Variants in ZNF805 observed in about 807,000 individuals in gnomAD.
ZNF805 encodes CTC-444N24.8.
Under a neutral mutation model 13.6 loss-of-function variants are expected in ZNF805, and 7 were observed. The ratio of observed to expected loss-of-function variants is 0.51; its 90% confidence interval spans 0.29 to 0.97. The LOEUF (loss-of-function observed/expected upper bound fraction) is 0.97. ZNF805 is among the 50% of genes least tolerant of loss of function. The pLI is 0.08. For missense variants in ZNF805, 604 were observed against 771.0 expected, an observed-to-expected ratio of 0.78 and a Z score of 2.57; for synonymous variants, 293 against 279.8, an observed-to-expected ratio of 1.05 and a Z score of -0.47.
At position 57,245,587 on chromosome 19, in the gene ZNF805, G is replaced by A. The variant is rs528390288; in HGVS notation, c.157+1538G>A. On this transcript the variant is annotated intron_variant, in intron 2 of 3. Transcript: ENST00000414468. ...AAGGTCAGGAGATAGAGACCATCCTGGCTAACACGGTGCAACCCTGTCTCT... is the reference window on the plus strand; with the variant it reads ...AAGGTCAGGAGATAGAGACCATCCTAGCTAACACGGTGCAACCCTGTCTCT... Among the ~76,000 whole-genome samples the A allele has an allele frequency of 2.7e-4, 40 of 149,136 alleles. No individual in the cohort carries two copies. The East Asian group carries it at 3.0e-3, about 11-fold the overall frequency.
Position 57,248,676 on chromosome 19 carries a change from G to C in ZNF805, c.229G>C (p.Asp77His). 6.3e-7 allele frequency: 1 copy of C among 1,598,500 alleles called. No individual in the cohort carries two copies. The highest frequency in any genetic ancestry group is 2.2e-5 in the East Asian group (1 of 44,552). The part of the protein sequence containing the change: ...HGQEPWTRKE[D>H]LSQGTCPGDK... ...GCAGGAGCCATGGACCAGGAAGGAAGACCTCTCCCAAGGCACCTGTCCAGG... is the reference window on the plus strand; with the variant it reads ...GCAGGAGCCATGGACCAGGAAGGAACACCTCTCCCAAGGCACCTGTCCAGG... Residue 77 changes from aspartate to histidine, a missense_variant, in exon 3 of 4, where the codon GAC becomes CAC. By Grantham distance (81) the Asp-to-His change is moderately conservative. Coordinates refer to ENST00000414468, the MANE Select transcript of ZNF805 (RefSeq NM_001023563.4).
In ZNF805 at chr19:57,254,698, C is replaced by A; in HGVS notation, c.1879C>A (p.Leu627Met). Residue 627 changes from leucine (L) to methionine (M), a missense_variant, in exon 4 of 4, where the codon CTG becomes ATG. By Grantham distance (15) the Leu-to-Met change is conservative. Coordinates refer to ENST00000414468, the MANE Select transcript of ZNF805 (RefSeq NM_001023563.4). ...AAGAGAAACCCCACAAGTGTCTTCA[C>A]TGTGAGAAAACCTTCTGTTGCCAAA... ...YQRETPQVSS[L>M] The A allele has an allele frequency of 1.2e-6, 2 of 1,604,276 alleles. No individual in the cohort carries two copies. Among genetic ancestry groups the A allele is most frequent in the Non-Finnish European group, 8.5e-7 (1 of 1,175,358 alleles).
At chr19:57,248,815 G>A in intron 3 of ZNF805, 115 bp downstream of exon 3, 2 of 949,138 alleles carry the variant, frequency 2.1e-6, no homozygotes, top group South Asian at 1.4e-5. Context: ...AAGGGTTTGG[G>A]AGCCTTGGAG....
Position 57,254,517 on chromosome 19 carries a change from T to C in ZNF805, c.1698T>C (p.Pro566=). 2.5e-6 allele frequency: 4 copies of C among 1,614,242 alleles called. No individual in the cohort carries two copies. Among genetic ancestry groups the C allele is most frequent in the Non-Finnish European group, 3.4e-6 (4 of 1,180,030 alleles). ...QHQRMHTGRN[P]ISVTDVGRPF... is the part of the protein sequence containing the mutation. ...AAAGGATGCATACTGGGAGAAATCC[T>C]ATCAGTGTAACAGATGTGGGAAGAC... The change falls in exon 4 of 4, where the codon CCT becomes CCC. Residue 566 remains proline, a synonymous_variant. Coordinates refer to ENST00000414468, the MANE Select transcript of ZNF805 (RefSeq NM_001023563.4).
intron 2 of ZNF805, 123 bp downstream of exon 2, chr19:57,244,172 GTCATTTTCTACAACAC>G (rs2087596865): frequency 2.2e-6 from 2 of 893,152 alleles, no homozygotes; most frequent in Non-Finnish European, 3.2e-6. Context: ...CACAAATTCA[GTCATTTTCTACAACAC>G]TCACCTCTTC....
intron 3 of ZNF805, among the ~76,000 whole-genome samples, chr19:57,250,511 C>T (rs1005414170): frequency 6.6e-6 from 1 of 152,122 alleles, no homozygotes; most frequent in Non-Finnish European, 1.5e-5. Context: ...GGATTACAGG[C>T]GTGAGACACC....
chr19:57,259,559 T>C lies in ZNF805; in HGVS notation c.*4856T>C, dbSNP rs375095949. ...CTTTGCTCTGTTGCCCAGGCTGGAG[T>C]GCAGTGGCGCGATCTCTGCTCACTG... is the stretch of plus-strand genomic sequence containing the variant. On this transcript the variant is annotated 3_prime_UTR_variant, in exon 4 of 4. Transcript: ENST00000414468. Among the ~76,000 whole-genome samples, 2 of 152,206 alleles carry C rather than the reference T, an allele frequency of 1.3e-5. No individual in the cohort carries two copies. Among genetic ancestry groups the C allele is most frequent in the African/African-American group, 4.8e-5 (2 of 41,454 alleles).
At chr19:57,243,366 G>T (rs2087591327) in intron 1 of ZNF805, among the ~76,000 whole-genome samples, 1 of 152,196 alleles carries the variant, frequency 6.6e-6, no homozygotes, top group South Asian at 2.1e-4. Flanking sequence ...CCAAAGTCCA[G>T]TAAGCTCTGA....
chr19:57,254,341 GAGA>G lies in ZNF805; in HGVS notation c.1525_1527del (p.Lys509del). The G allele has an allele frequency of 6.2e-7, 1 of 1,614,182 alleles. No homozygotes were observed. The highest frequency in any genetic ancestry group is 8.5e-7 in the Non-Finnish European group (1 of 1,180,046). Reference sequence around the variant, plus strand: ...AAGGCACCAGCGGATTCATAGTGGAGAGAAGCCCTATGAATGCATCGAGTGTGG... The same window carrying G: ...AAGGCACCAGCGGATTCATAGTGGAGAGCCCTATGAATGCATCGAGTGTGG... On this transcript the variant is annotated inframe_deletion, in exon 4 of 4. Coordinates refer to ENST00000414468, the MANE Select transcript of ZNF805 (RefSeq NM_001023563.4).
In ZNF805 at chr19:57,247,793, A is replaced by G. The variant is rs547250093; in HGVS notation, c.158-812A>G. Among the ~76,000 whole-genome samples the G allele has an allele frequency of 2.6e-5, 4 of 152,322 alleles. No homozygotes were observed. In the East Asian group the frequency reaches 7.7e-4, roughly 29 times the overall value. ...TTCCTTATTGACTCAGCCATTCTCC[A>G]GTTCTGTGCTCTTCAGCAAATCACT... On this transcript the variant is annotated intron_variant, in intron 2 of 3. Coordinates refer to ENST00000414468, the MANE Select transcript of ZNF805 (RefSeq NM_001023563.4).
At chr19:57,248,576 A>C (rs2087632898) in intron 2 of ZNF805, 29 bp from the exon 3 acceptor site, 1 of 1,529,454 alleles carries the variant, frequency 6.5e-7, no homozygotes, top group Non-Finnish European at 8.9e-7. Flanking sequence ...ACCCACATCC[A>C]TGTGTCCACT....
chr19:57,253,731 G>C lies in ZNF805; in HGVS notation c.912G>C (p.Leu304Phe), dbSNP rs778975326. The change falls in exon 4 of 4, where the codon TTG becomes TTC. Residue 304 changes from leucine to phenylalanine, a missense_variant. Leu to Phe is a conservative substitution (Grantham distance 22). Coordinates refer to ENST00000414468, the MANE Select transcript of ZNF805 (RefSeq NM_001023563.4). The surrounding 1 kb of genome is among the most constrained non-coding windows in gnomAD (Gnocchi z 4.4). ...KAFTHRSTFV[L>F]HNRSHTGEKP... ...TCACCCACCGCTCCACTTTTGTCTT[G>C]CATAACAGGAGCCACACTGGAGAAA... The C allele has an allele frequency of 8.1e-5, 130 of 1,613,838 alleles. No individual in the cohort carries two copies. Among genetic ancestry groups the C allele is most frequent in the Non-Finnish European group, 1.1e-4 (126 of 1,180,020 alleles).
Position 57,260,578 on chromosome 19 carries a change from G to T in ZNF805, c.*5875G>T, listed in dbSNP as rs189368420. On this transcript the variant is annotated 3_prime_UTR_variant, in exon 4 of 4. Coordinates refer to ENST00000414468, the MANE Select transcript of ZNF805 (RefSeq NM_001023563.4). ...ATTCCTGGCTTTTTTCCTTTTTAGG[G>T]TCTGTGTCTTTCTTCCATCTGTAAA... Among the ~76,000 whole-genome samples, 18 of 152,208 alleles carry T rather than the reference G, an allele frequency of 1.2e-4. No individual in the cohort carries two copies. The highest frequency in any genetic ancestry group is 2.2e-4 in the Non-Finnish European group (15 of 68,014).
chr19:57,244,171 A>C, intron 2 of ZNF805, 122 bp downstream of exon 2: 2 of 1,137,836 alleles, frequency 1.8e-6, no homozygotes, highest in Non-Finnish European at 1.2e-6. Context: ...CCACAAATTC[A>C]GTCATTTTCT....
At chr19:57,246,167 G>A (rs113784547) in intron 2 of ZNF805, among the ~76,000 whole-genome samples, 6 of 152,244 alleles carry the variant, frequency 3.9e-5, no homozygotes, top group African/African-American at 1.4e-4. Flanking sequence ...AGCTCACAGG[G>A]ACCAAAGAGC....
chr19:57,262,515 T>G lies in ZNF805; in HGVS notation c.*7812T>G, dbSNP rs1415894728. The G allele has an allele frequency of 2.4e-5, 4 of 167,092 alleles. No homozygotes were observed. In the East Asian group the frequency reaches 7.7e-4, roughly 32 times the overall value. 10.4% of individuals were successfully genotyped at this position (167,092 alleles called of 1,614,324 possible). A position where few individuals can be genotyped will look rare whatever the true frequency, so the allele number is the denominator to read the frequency against. On this transcript the variant is annotated 3_prime_UTR_variant, in exon 4 of 4. Transcript: ENST00000414468. The stretch of plus-strand genomic sequence containing the variant: ...GTGGTTTGATTTGCAGATACACCCT[T>G]TCTTGGCCTTTATTTCGGCAAAGAT...
chr19:57,245,701 C>G (rs1354831367), intron 2 of ZNF805, among the ~76,000 whole-genome samples: 1 of 151,574 alleles, frequency 6.6e-6, no homozygotes, highest in Non-Finnish European at 1.5e-5. Context: ...ATGGCGTGAA[C>G]CCAGGAGGCG....
chr19:57,251,557 T>C (rs543147175), intron 3 of ZNF805, among the ~76,000 whole-genome samples: 1 of 152,346 alleles, frequency 6.6e-6, no homozygotes, highest in African/African-American at 2.4e-5. Context: ...ATTCTTCTAG[T>C]TTTTAATTTT....
At chr19:57,252,780 T>A (rs7257331) in intron 3 of ZNF805, among the ~76,000 whole-genome samples, 1,769 of 152,276 alleles carry the variant, frequency 0.012, 26 homozygotes, top group African/African-American at 0.041. Context: ...GATAAACTAT[T>A]TAGGTACCTA....
Sources: allele counts gnomAD v4.1 joint callset (sites outside exome capture counted in the v4.1 genomes callset), GRCh38; gene constraint gnomAD v4.1.1; non-coding constraint Gnocchi (gnomAD v3.1); transcripts MANE v1.5; gene names NCBI Gene and HGNC (gene_info 2026-07-23, HGNC 2026-07-21).